LRP2: variants seen among roughly 807,000 people sequenced by gnomAD.
LRP2 encodes the protein low-density lipoprotein receptor-related protein 2.
In LRP2, 172 loss-of-function variants were observed where a neutral mutation model predicts 531.0. The observed-to-expected ratio is 0.32, with a 90% CI of 0.29 to 0.37. The LOEUF (loss-of-function observed/expected upper bound fraction) is 0.37, where lower values mean the gene tolerates loss of function less well. LRP2 is among the 10% of genes least tolerant of loss of function. The pLI is 1.00. For missense variants in LRP2, 5,167 were observed against 5,868.3 expected (o/e 0.88, Z 3.90); for synonymous variants, 1,992 against 2,027.6 (o/e 0.98, Z 0.47).
chr2:169,206,402 C>T lies in LRP2; in HGVS notation c.7318G>A (p.Ala2440Thr), dbSNP rs2105332694. ...TAGGAAATCTGTCCAACTCCAGAGGCTAAATTTTGTGTGAAGTAGATTCTA... is the reference window on the plus strand; with the variant it reads ...TAGGAAATCTGTCCAACTCCAGAGGTTAAATTTTGTGTGAAGTAGATTCTA... ...SDRIYFTQNLASGVGQISYAT... is the reference protein window; with the variant it reads ...SDRIYFTQNLTSGVGQISYAT... Residue 2440 changes from alanine to threonine, a missense_variant, in exon 39 of 79, where the codon GCC becomes ACC. Ala to Thr is a moderately conservative substitution (Grantham distance 58, BLOSUM62 0). Around this residue, in one of 6 missense-constraint regions of LRP2, gnomAD observed 1,129 missense variants for 1,362.7 expected, o/e 0.83. Coordinates refer to ENST00000649046, the MANE Select transcript of LRP2 (RefSeq NM_004525.3). 6.2e-7 allele frequency: 1 copy of T among 1,614,112 alleles called. No homozygotes were observed. The highest frequency in any genetic ancestry group is 1.3e-5 in the African/African-American group (1 of 75,032).
intron 50 of LRP2, among the ~76,000 whole-genome samples, chr2:169,183,012 G>A (rs534626113): frequency 9.9e-5 from 15 of 152,236 alleles, no homozygotes; most frequent in African/African-American, 3.6e-4. Flanking sequence ...CCAGAATCAG[G>A]GAAGCCAGCT....
intron 3 of LRP2, among the ~76,000 whole-genome samples, chr2:169,310,529 C>T (rs1452334085): frequency 3.3e-5 from 5 of 152,188 alleles, no homozygotes; most frequent in African/African-American, 1.2e-4. Flanking sequence ...GTTGAACCAG[C>T]CTTGCATCCC....
intron 1 of LRP2, among the ~76,000 whole-genome samples, chr2:169,346,312 A>T (rs1318988126): frequency 6.6e-6 from 1 of 152,220 alleles, no homozygotes; most frequent in Non-Finnish European, 1.5e-5. Flanking sequence ...TTTTTAAACC[A>T]TGCATTTTGT....
intron 16 of LRP2, among the ~76,000 whole-genome samples, chr2:169,264,030 G>T (rs1487134274): frequency 6.6e-6 from 1 of 152,010 alleles, no homozygotes; most frequent in Non-Finnish European, 1.5e-5. Context: ...CTCACTCATA[G>T]GTGGGAATTG....
intron 45 of LRP2, among the ~76,000 whole-genome samples, chr2:169,197,282 T>C (rs1468314874): frequency 6.6e-6 from 1 of 152,218 alleles, no homozygotes; most frequent in Non-Finnish European, 1.5e-5. Flanking sequence ...ATTGTATTTG[T>C]TAGAAATACC....
Position 169,307,285 on chromosome 2 carries a change from G to A in LRP2, c.423C>T (p.Asp141=). The change falls in exon 4 of 79, where the codon GAC becomes GAT. Residue 141 remains aspartate (D), a synonymous_variant. Transcript: ENST00000649046. ...RDCPDGADEN[D]CQYPTCEQLT... is the part of the protein sequence containing the mutation. ...CAAGGACTAAAACAGACTCACGGCAGTCATTCTCATCAGCTCCATCGGGGC... is the reference window on the plus strand; with the variant it reads ...CAAGGACTAAAACAGACTCACGGCAATCATTCTCATCAGCTCCATCGGGGC... 2 of 1,607,914 alleles carry A rather than the reference G, an allele frequency of 1.2e-6. No homozygotes were observed. The highest frequency in any genetic ancestry group is 1.7e-4 in the Middle Eastern group (1 of 6,050).
chr2:169,333,524 G>A (rs1439299606), intron 1 of LRP2, among the ~76,000 whole-genome samples: 1 of 149,288 alleles, frequency 6.7e-6, no homozygotes, highest in Non-Finnish European at 1.5e-5. Context: ...AAGGGAGGGA[G>A]GGAGGGAGGG....
At chr2:169,361,303 C>G (rs1686142165) in intron 1 of LRP2, among the ~76,000 whole-genome samples, 2 of 146,516 alleles carry the variant, frequency 1.4e-5, no homozygotes, top group Non-Finnish European at 3.0e-5. Flanking sequence ...CATCCTCGGC[C>G]GGGTCTCTGT....
chr2:169,308,196 A>T (rs1455816893), intron 3 of LRP2, among the ~76,000 whole-genome samples: 1 of 151,904 alleles, frequency 6.6e-6, no homozygotes, highest in Non-Finnish European at 1.5e-5. Flanking sequence ...CTCAATTTTT[A>T]CAAAACTTCT....
chr2:169,241,142 C>G lies in LRP2; in HGVS notation c.3891G>C (p.Gly1297=). The G allele has an allele frequency of 6.2e-7, 1 of 1,614,104 alleles. No individual in the cohort carries two copies. The highest frequency in any genetic ancestry group is 2.2e-5 in the East Asian group (1 of 44,886). ...AWLCDRDNDC[G]DMSDEKDCPT... ...GGCAGTCCTTCTCATCACTCATATC[C>G]CCGCAGTCATTGTCCCGATCACAGA... Residue 1297 remains glycine, a synonymous_variant, in exon 25 of 79, where the codon GGG becomes GGC. Transcript: ENST00000649046.
At chr2:169,139,785 C>G in intron 72 of LRP2, 175 bp from the exon 73 acceptor site, 1 of 697,164 alleles carries the variant, frequency 1.4e-6, no homozygotes, top group South Asian at 1.6e-5. Flanking sequence ...GCAGAAAGAA[C>G]AGTGCTCTGA....
intron 33 of LRP2, among the ~76,000 whole-genome samples, chr2:169,225,013 C>G (rs901408999): frequency 6.6e-5 from 10 of 152,054 alleles, no homozygotes; most frequent in Non-Finnish European, 1.0e-4. Context: ...ATTGCTTGAA[C>G]CCAGGAGCCA....
intron 18 of LRP2, among the ~76,000 whole-genome samples, chr2:169,256,508 C>G (rs1690309173): frequency 6.6e-6 from 1 of 152,074 alleles, no homozygotes; most frequent in Non-Finnish European, 1.5e-5. Context: ...GTGAAATCAA[C>G]AAGTTAAGAA....
At chr2:169,317,011 C>T (rs115274756) in intron 3 of LRP2, among the ~76,000 whole-genome samples, 124 of 152,202 alleles carry the variant, frequency 8.1e-4, no homozygotes, top group Non-Finnish European at 1.5e-3. Context: ...CAGGAGTTAT[C>T]TGGTAACTTT....
At chr2:169,228,431 A>G (rs910764542) in intron 31 of LRP2, among the ~76,000 whole-genome samples, 3 of 152,170 alleles carry the variant, frequency 2.0e-5, no homozygotes, top group African/African-American at 7.2e-5. Context: ...AGTAGAAACT[A>G]TCTCTGTCCC....
At chr2:169,150,723 G>C (rs1337477649) in intron 68 of LRP2, among the ~76,000 whole-genome samples, 175 bp downstream of exon 68, 2 of 152,126 alleles carry the variant, frequency 1.3e-5, no homozygotes, top group African/African-American at 4.8e-5. Flanking sequence ...GAAATGGTTG[G>C]TTCTATATGA....
chr2:169,266,328 G>C (rs2105427177), intron 16 of LRP2, among the ~76,000 whole-genome samples: 1 of 151,984 alleles, frequency 6.6e-6, no homozygotes, highest in South Asian at 2.1e-4. Context: ...AACAAAAGAA[G>C]AAATAGTCAA....
chr2:169,362,233 A>C, intron 1 of LRP2, 88 bp downstream of exon 1: 2 of 1,169,168 alleles, frequency 1.7e-6, no homozygotes, highest in African/African-American at 3.1e-5. Flanking sequence ...CCCTGCCCGG[A>C]CGCTCTCCCC....
Position 169,244,828 on chromosome 2 carries a change from G to C in LRP2, c.3295C>G (p.His1099Asp), listed in dbSNP as rs146463817. The C allele has an allele frequency of 6.2e-6, 10 of 1,614,266 alleles. No individual in the cohort carries two copies. In the East Asian group the frequency reaches 2.0e-4, roughly 32 times the overall value. Residue 1099 changes from histidine to aspartate, a missense_variant, in exon 22 of 79, where the codon CAC (histidine) becomes GAC (aspartate). His to Asp is a moderately conservative substitution (Grantham distance 81). Around this residue, in one of 6 missense-constraint regions of LRP2, gnomAD observed 2,811 missense variants for 3,058.0 expected, o/e 0.92. Transcript: ENST00000649046. ...GCAGGTGCGTGGGTGGGGCAGTTGT[G>C]CTCATCACTGCCATCCACACAGTCG... is the stretch of plus-strand genomic sequence containing the variant. The part of the protein sequence containing the change: ...RNDCVDGSDE[H>D]NCPTHAPASC...
Sources: allele counts gnomAD v4.1 joint callset (sites outside exome capture counted in the v4.1 genomes callset), GRCh38; gene constraint gnomAD v4.1.1; regional missense constraint gnomAD v4.1.1; transcripts MANE v1.5; gene names NCBI Gene and HGNC (gene_info 2026-07-23, HGNC 2026-07-21).